Variants in RAD51AP2 observed in about 807,000 individuals in gnomAD.
The protein encoded by RAD51AP2 is RAD51 associated protein 2.
Under a neutral mutation model 85.5 loss-of-function variants are expected in RAD51AP2, and 67 were observed. The ratio of observed to expected loss-of-function variants is 0.78; its 90% CI spans 0.64 to 0.96. RAD51AP2 has a LOEUF of 0.96. RAD51AP2 is among the 40% of genes least tolerant of loss of function. The pLI, the probability that RAD51AP2 is intolerant of heterozygous loss-of-function variation, is 0.00. For synonymous variants in RAD51AP2, 474 were observed against 446.5 expected (o/e 1.06, Z -0.78); for missense variants, 1,307 against 1,332.4 (o/e 0.98, Z 0.30).
chr2:17,532,302 G>A, the RAD51AP2 span, among the ~76,000 whole-genome samples: 9 of 152,238 alleles, frequency 5.9e-5, no homozygotes, highest in South Asian at 1.2e-3. Context: ...GGTTCTGAGA[G>A]AGAATCTGTT....
chr2:17,524,330 T>C, the RAD51AP2 span, among the ~76,000 whole-genome samples: 1 of 152,108 alleles, frequency 6.6e-6, no homozygotes, highest in East Asian at 1.9e-4. Flanking sequence ...ACAGTCTTTT[T>C]CCCAGAAATT....
upstream of RAD51AP2, among the ~76,000 whole-genome samples, chr2:17,520,197 TAA>T (rs1662826459): frequency 6.6e-6 from 1 of 152,108 alleles, no homozygotes; most frequent in Non-Finnish European, 1.5e-5. Context: ...CTTACAGCCA[TAA>T]AGACCAAAAA....
chr2:17,513,950 T>TA, intron 2 of RAD51AP2, 62 bp downstream of exon 2: 1 of 910,728 alleles, frequency 1.1e-6, no homozygotes, highest in Non-Finnish European at 1.8e-6. Flanking sequence ...TTCCTCATAC[T>TA]AAAAATACCA....
At chr2:17,534,687 C>T in the RAD51AP2 span, among the ~76,000 whole-genome samples, 1 of 152,132 alleles carries the variant, frequency 6.6e-6, no homozygotes, top group African/African-American at 2.4e-5. Flanking sequence ...CATTTAAAAG[C>T]TATAAAACAG....
At chr2:17,521,277 AC>A (rs1343149322), upstream of RAD51AP2, among the ~76,000 whole-genome samples, 3 of 152,128 alleles carry the variant, frequency 2.0e-5, no homozygotes, top group East Asian at 5.8e-4. Flanking sequence ...ATGTTGAAAT[AC>A]ATTTAACATG....
intron 2 of RAD51AP2, among the ~76,000 whole-genome samples, chr2:17,513,363 A>G (rs111674714): frequency 9.8e-4 from 144 of 147,338 alleles, no homozygotes; most frequent in Non-Finnish European, 1.6e-3. Flanking sequence ...TCAGCCTCCC[A>G]TGTAGCTGGG....
the RAD51AP2 span, among the ~76,000 whole-genome samples, chr2:17,527,064 A>G: frequency 6.6e-6 from 1 of 152,180 alleles, no homozygotes; most frequent in Non-Finnish European, 1.5e-5. Flanking sequence ...CCAGAAATCT[A>G]TTGACAGCCA....
At position 17,518,004 on chromosome 2, in the gene RAD51AP2, G is replaced by T. The variant is rs775326860; in HGVS notation, c.412C>A (p.His138Asn). 2 of 1,614,024 alleles carry T rather than the reference G, an allele frequency of 1.2e-6. No individual in the cohort carries two copies. The highest frequency in any genetic ancestry group is 2.2e-5 in the East Asian group (1 of 44,890). The change falls in exon 1 of 3, where the codon CAT (histidine) becomes AAT (asparagine). Residue 138 changes from histidine (H) to asparagine (N), a missense_variant. His to Asn is a moderately conservative substitution (Grantham distance 68). Coordinates refer to ENST00000399080, the MANE Select transcript of RAD51AP2 (RefSeq NM_001099218.3). ...RASGRSEAGL[H>N]DREAFSVHRS... ...TGCACACTGAAAGCCTCTCTGTCAT[G>T]CAGGCCTGCCTCAGACCTTCCTGAA...
the RAD51AP2 span, among the ~76,000 whole-genome samples, chr2:17,535,935 C>CAAAAAAAAAA: frequency 3.5e-5 from 2 of 57,228 alleles, no homozygotes; most frequent in African/African-American, 1.4e-4. Flanking sequence ...GTAAGAACAC[C>CAAAAAAAAAA]AAAAAAAAAA....
chr2:17,530,584 CAAAAAAAAAAA>C, the RAD51AP2 span, among the ~76,000 whole-genome samples: 470 of 80,266 alleles, frequency 5.9e-3, 9 homozygotes, highest in East Asian at 0.022. Flanking sequence ...GGCCCTGTCT[CAAAAAAAAAAA>C]AAAAAAAAAA....
At chr2:17,522,217 CTG>C (rs1312862732), upstream of RAD51AP2, among the ~76,000 whole-genome samples, 2 of 151,964 alleles carry the variant, frequency 1.3e-5, no homozygotes, top group Admixed American at 6.6e-5. Context: ...CAGTTCTAAA[CTG>C]TTTTTTTCAG....
upstream of RAD51AP2, among the ~76,000 whole-genome samples, chr2:17,519,566 C>G (rs143195502): frequency 6.6e-6 from 1 of 152,080 alleles, no homozygotes; most frequent in Non-Finnish European, 1.5e-5. Context: ...ATATAACTAG[C>G]CTTCTACTTT....
upstream of RAD51AP2, chr2:17,518,502 G>C: frequency 6.7e-7 from 1 of 1,493,024 alleles, no homozygotes; most frequent in East Asian, 2.3e-5. Context: ...TCACGCCCCT[G>C]ACCCGCCCCT....
the RAD51AP2 span, among the ~76,000 whole-genome samples, chr2:17,534,903 C>G: frequency 2.7e-4 from 41 of 152,244 alleles, no homozygotes; most frequent in East Asian, 6.6e-3. Context: ...ATCAAAGAAC[C>G]TTAAATTCAA....
In RAD51AP2 at chr2:17,514,082, T is replaced by C; in HGVS notation, c.3258A>G (p.Thr1086=). 6.4e-7 allele frequency: 1 copy of C among 1,568,208 alleles called. No individual in the cohort carries two copies. The highest frequency in any genetic ancestry group is 1.1e-5 in the South Asian group (1 of 88,388). Residue 1086 remains threonine (T), a synonymous_variant, in exon 2 of 3, where the codon ACA becomes ACG. Transcript: ENST00000399080. ...GAAAAGCAGGTCTTTTAGGTAAAGG[T>C]GTTTCACAATCTGAAAATAAAGAGT... ...LYSTSEKDCE[T]PLPKRPAFLP...
the RAD51AP2 span, among the ~76,000 whole-genome samples, chr2:17,535,867 T>C: frequency 1.3e-5 from 2 of 150,930 alleles, no homozygotes; most frequent in Non-Finnish European, 2.9e-5. Flanking sequence ...GTGATCATTC[T>C]TTCTCTTCTT....
the RAD51AP2 span, among the ~76,000 whole-genome samples, chr2:17,528,986 G>C: frequency 6.6e-6 from 1 of 152,176 alleles, no homozygotes. Context: ...TCCAGTGTCT[G>C]TTGCCAATTG....
rs747191476 is a variant in RAD51AP2 at position 17,517,930 on chromosome 2, G to A, written c.486C>T (p.Thr162=). ...TAATTCCATGTATATCGTGTATAGA[G>A]GTGCTGGGCAGAAGTTGACTAACCC... ...KAGVSQLLPS[T]SIHDIHGIRN... is the part of the protein sequence containing the mutation. The change falls in exon 1 of 3, where the codon ACC becomes ACT. Residue 162 remains threonine, a synonymous_variant. Coordinates refer to ENST00000399080, the MANE Select transcript of RAD51AP2 (RefSeq NM_001099218.3). The A allele has an allele frequency of 1.8e-5, 29 of 1,613,986 alleles. No homozygotes were observed. In the South Asian group the frequency reaches 2.6e-4, roughly 15 times the overall value.
the RAD51AP2 span, among the ~76,000 whole-genome samples, chr2:17,536,702 G>T: frequency 6.6e-6 from 1 of 152,300 alleles, no homozygotes; most frequent in African/African-American, 2.4e-5. Flanking sequence ...TTTAGATCCA[G>T]TCATGGATTA....
Sources: gnomAD v4.1 joint callset for allele counts (sites outside exome capture counted in the v4.1 genomes callset) on GRCh38, gnomAD v4.1.1 for gene constraint, MANE v1.5 for transcripts, NCBI Gene and HGNC (gene_info 2026-07-23, HGNC 2026-07-21) for gene names.